SLC7A14: variants seen among roughly 807,000 people sequenced by gnomAD.
SLC7A14 encodes solute carrier family 7 member 14, also known as gamma-aminobutyric acid transporter SLC7A14.
Under a neutral mutation model 60.2 loss-of-function variants are expected in SLC7A14, and 37 were observed. That is an observed-to-expected ratio of 0.61 (90% CI 0.47 to 0.81). SLC7A14 has a LOEUF of 0.81. SLC7A14 is among the 30% of genes least tolerant of loss of function. The pLI, the probability that SLC7A14 is intolerant of heterozygous loss-of-function variation, is 0.00. For missense variants in SLC7A14, 886 were observed against 982.7 expected, an observed-to-expected ratio of 0.90 and a Z score of 1.32; for synonymous variants, 399 against 395.8, an observed-to-expected ratio of 1.01 and a Z score of -0.10.
intron 2 of SLC7A14, among the ~76,000 whole-genome samples, chr3:170,511,997 T>A (rs1352401601): frequency 6.6e-6 from 1 of 152,198 alleles, no homozygotes; most frequent in Non-Finnish European, 1.5e-5. Flanking sequence ...AAAAAGGCTT[T>A]GTGCAGAAAA....
intron 4 of SLC7A14, among the ~76,000 whole-genome samples, chr3:170,492,484 G>A (rs778602185): frequency 4.6e-5 from 7 of 152,084 alleles, no homozygotes; most frequent in African/African-American, 7.2e-5. Flanking sequence ...CAGCCTGGGC[G>A]ACAGAGTGAG....
At chr3:170,489,072 C>G (rs150296183) in intron 4 of SLC7A14, among the ~76,000 whole-genome samples, 5 of 152,304 alleles carry the variant, frequency 3.3e-5, no homozygotes, top group Non-Finnish European at 7.4e-5. Flanking sequence ...AGCAATACCC[C>G]ACAAGCACAG....
intron 2 of SLC7A14, among the ~76,000 whole-genome samples, chr3:170,512,819 A>T (rs189156346): frequency 3.6e-3 from 539 of 151,194 alleles, no homozygotes; most frequent in Non-Finnish European, 6.2e-3. Context: ...GCCCGCCACT[A>T]CGCCCGGCTA....
chr3:170,496,333 G>C (rs767786924), intron 4 of SLC7A14: 187 of 1,102,026 alleles, frequency 1.7e-4, no homozygotes, highest in Non-Finnish European at 2.5e-4. Context: ...GATGACCTGC[G>C]GTGTACAAAG....
At chr3:170,503,812 G>T (rs892603558) in intron 2 of SLC7A14, among the ~76,000 whole-genome samples, 1 of 152,116 alleles carries the variant, frequency 6.6e-6, no homozygotes, top group Non-Finnish European at 1.5e-5. Context: ...ACTTGCCAAG[G>T]GTAATTAGCA....
At chr3:170,565,941 G>T (rs1212920204) in intron 1 of SLC7A14, among the ~76,000 whole-genome samples, 1 of 152,110 alleles carries the variant, frequency 6.6e-6, no homozygotes, top group Non-Finnish European at 1.5e-5. Flanking sequence ...TTTGTGGAGT[G>T]GTTCATACTG....
At position 170,480,169 on chromosome 3, in the gene SLC7A14, T is replaced by A. The variant is rs775654777; in HGVS notation, c.1993+120A>T. 2.8e-6 allele frequency: 3 copies of A among 1,083,936 alleles called. No individual in the cohort carries two copies. The Admixed American group carries it at 8.3e-5, about 30-fold the overall frequency. 67.1% of individuals were successfully genotyped at this position (1,083,936 alleles called of 1,614,324 possible). ...CTCTTAGGCGGAACACAAGGGTCCA[T>A]AGAACCAGCCAGATTTCTCTGGGAA... On this transcript the variant is annotated intron_variant, in intron 7 of 7. Coordinates refer to ENST00000231706, the MANE Select transcript of SLC7A14 (RefSeq NM_020949.3).
intron 1 of SLC7A14, among the ~76,000 whole-genome samples, chr3:170,567,757 C>G (rs1216456912): frequency 6.6e-6 from 1 of 151,962 alleles, no homozygotes; most frequent in Non-Finnish European, 1.5e-5. Context: ...CTCTGATAGC[C>G]AGTGATGGTG....
At chr3:170,495,180 A>G (rs1034062691) in intron 4 of SLC7A14, among the ~76,000 whole-genome samples, 9 of 152,204 alleles carry the variant, frequency 5.9e-5, no homozygotes, top group East Asian at 5.8e-4. Flanking sequence ...AACATCCAAG[A>G]TTTTGCTGTT....
rs944233534 is a variant in SLC7A14 at position 170,482,586 on chromosome 3, G to T, written c.1115+728C>A. Among the ~76,000 whole-genome samples the T allele has an allele frequency of 1.2e-4, 18 of 152,330 alleles. No homozygotes were observed. In the East Asian group the frequency reaches 3.1e-3, roughly 26 times the overall value. ...TGGGGCCACATCCCCTTTGTACCAT[G>T]GGCAGATGGGCCACTTCATGGCCAA... On this transcript the variant is annotated intron_variant, in intron 6 of 7. Transcript: ENST00000231706.
chr3:170,499,296 C>CTG (rs10555697), intron 3 of SLC7A14, among the ~76,000 whole-genome samples: 13 of 139,574 alleles, frequency 9.3e-5, no homozygotes, highest in South Asian at 4.7e-4. Context: ...AAAAGGAACT[C>CTG]TGTGTGTGTG....
At chr3:170,504,037 G>A (rs1416539562) in intron 2 of SLC7A14, among the ~76,000 whole-genome samples, 1 of 152,168 alleles carries the variant, frequency 6.6e-6, no homozygotes, top group African/African-American at 2.4e-5. Flanking sequence ...TCACGAAATC[G>A]TTGTTTTGGA....
intron 4 of SLC7A14, among the ~76,000 whole-genome samples, chr3:170,497,507 C>A (rs1395953226): frequency 6.6e-6 from 1 of 152,154 alleles, no homozygotes; most frequent in East Asian, 1.9e-4. Flanking sequence ...GGAGAAAAAC[C>A]AGCCTAAGCA....
At chr3:170,560,057 AT>A (rs780041455) in intron 1 of SLC7A14, among the ~76,000 whole-genome samples, 4 of 152,246 alleles carry the variant, frequency 2.6e-5, no homozygotes, top group African/African-American at 7.2e-5. Context: ...TCCCAATCAA[AT>A]TCCCTTTTGA....
chr3:170,541,486 C>T (rs1280097686), intron 1 of SLC7A14, among the ~76,000 whole-genome samples: 2 of 152,084 alleles, frequency 1.3e-5, no homozygotes, highest in Non-Finnish European at 2.9e-5. Context: ...GTCCTAGCTA[C>T]TTAGAAGGCT....
At chr3:170,565,020 T>A (rs1714754781) in intron 1 of SLC7A14, among the ~76,000 whole-genome samples, 1 of 152,172 alleles carries the variant, frequency 6.6e-6, no homozygotes, top group South Asian at 2.1e-4. Flanking sequence ...AAGCCTCGAT[T>A]GTTAGAAGGA....
chr3:170,577,048 T>C (rs1486871461), intron 1 of SLC7A14, among the ~76,000 whole-genome samples: 1 of 152,212 alleles, frequency 6.6e-6, no homozygotes, highest in Non-Finnish European at 1.5e-5. Flanking sequence ...TTGAGAGTAA[T>C]TTCTGGCTGG....
At chr3:170,486,948 A>G (rs992889931) in intron 4 of SLC7A14, among the ~76,000 whole-genome samples, 1 of 150,598 alleles carries the variant, frequency 6.6e-6, no homozygotes, top group Admixed American at 6.7e-5. Context: ...GAATTATCCT[A>G]CTTAAATTAC....
At chr3:170,475,029 C>T (rs1711569016) in intron 7 of SLC7A14, among the ~76,000 whole-genome samples, 1 of 152,172 alleles carries the variant, frequency 6.6e-6, no homozygotes, top group South Asian at 2.1e-4. Flanking sequence ...CTGCCCAACC[C>T]CTTGAGAGGT....
Sources: allele counts gnomAD v4.1 joint callset (sites outside exome capture counted in the v4.1 genomes callset), GRCh38; gene constraint gnomAD v4.1.1; transcripts MANE v1.5; gene names NCBI Gene and HGNC (gene_info 2026-07-23, HGNC 2026-07-21).